The following CRTC3 variants were observed in gnomAD, a reference collection of about 807,000 sequenced individuals.
CRTC3 encodes the protein CREB-regulated transcription coactivator 3.
CRTC3 carries 26 observed loss-of-function variants against 74.5 expected under a neutral mutation model. The observed-to-expected ratio is 0.35, with a 90% CI of 0.26 to 0.48. The LOEUF is 0.48. CRTC3 is among the 20% of genes least tolerant of loss of function. The probability of loss-of-function intolerance (pLI) is 0.99; values close to 1 mark genes in which losing one functional copy is unlikely to be tolerated. For missense variants in CRTC3, 760 were observed against 787.3 expected, an observed-to-expected ratio of 0.97 and a Z score of 0.41; for synonymous variants, 377 against 325.8, an observed-to-expected ratio of 1.16 and a Z score of -1.69.
At chr15:90,589,166 C>T (rs1006706668) in intron 2 of CRTC3, among the ~76,000 whole-genome samples, 4 of 150,474 alleles carry the variant, frequency 2.7e-5, no homozygotes, top group Admixed American at 2.0e-4. Context: ...AAGCGATTCT[C>T]CTGCCTCAGC....
intron 1 of CRTC3, among the ~76,000 whole-genome samples, chr15:90,539,135 TCTC>T (rs1463796973): frequency 6.6e-6 from 1 of 152,204 alleles, no homozygotes; most frequent in African/African-American, 2.4e-5. Flanking sequence ...AACCCTTTCT[TCTC>T]TATATGAATT....
At chr15:90,589,314 C>G (rs1596105313) in intron 2 of CRTC3, among the ~76,000 whole-genome samples, 1 of 151,296 alleles carries the variant, frequency 6.6e-6, no homozygotes, top group South Asian at 2.1e-4. Flanking sequence ...GTAGGCCTCC[C>G]AAAGTGCTGG....
At chr15:90,585,921 T>G (rs1053215920) in intron 2 of CRTC3, among the ~76,000 whole-genome samples, 3 of 152,198 alleles carry the variant, frequency 2.0e-5, no homozygotes, top group Admixed American at 6.5e-5. Context: ...TTTAGGGGCT[T>G]TCTTTGCTTT....
intron 9 of CRTC3, among the ~76,000 whole-genome samples, chr15:90,621,886 T>C (rs1281264473): frequency 6.6e-6 from 1 of 152,180 alleles, no homozygotes; most frequent in Non-Finnish European, 1.5e-5. Flanking sequence ...GGTTAAACAA[T>C]GAACAAAACA....
chr15:90,568,445 G>T (rs1234204022), intron 2 of CRTC3, among the ~76,000 whole-genome samples: 2 of 152,030 alleles, frequency 1.3e-5, no homozygotes, highest in African/African-American at 4.8e-5. Context: ...CTGCCTCATG[G>T]GTTCAAGCGA....
intron 2 of CRTC3, among the ~76,000 whole-genome samples, chr15:90,576,803 G>A (rs1338035176): frequency 6.6e-6 from 1 of 152,172 alleles, no homozygotes; most frequent in Non-Finnish European, 1.5e-5. Context: ...CAAAGTCTGT[G>A]GTTATCTTGG....
intron 2 of CRTC3, among the ~76,000 whole-genome samples, chr15:90,556,731 T>C (rs961034840): frequency 1.3e-5 from 2 of 152,116 alleles, no homozygotes; most frequent in Non-Finnish European, 2.9e-5. Context: ...TATACAATTA[T>C]GCACAGAAAA....
chr15:90,555,848 C>G (rs1966883961), intron 2 of CRTC3, among the ~76,000 whole-genome samples: 1 of 152,084 alleles, frequency 6.6e-6, no homozygotes, highest in East Asian at 1.9e-4. Context: ...CATTTTTAAA[C>G]CTTTACGTTC....
Position 90,643,626 on chromosome 15 carries a change from A to G in CRTC3, c.*1486A>G, listed in dbSNP as rs764250873. 12 of 231,504 alleles carry G rather than the reference A, an allele frequency of 5.2e-5. No individual in the cohort carries two copies. The highest frequency in any genetic ancestry group is 1.8e-4 in the African/African-American group (8 of 45,168). 14.3% of individuals were successfully genotyped at this position (231,504 alleles called of 1,614,324 possible). ...TTCATGGAAGCATCATTAGTCATCA[A>G]TACCTTCTCATAAAATAGATGGGCC... On this transcript the variant is annotated 3_prime_UTR_variant, in exon 15 of 15. Coordinates refer to ENST00000268184, the MANE Select transcript of CRTC3 (RefSeq NM_022769.5).
chr15:90,593,718 C>G lies in CRTC3; in HGVS notation c.314C>G (p.Pro105Arg), dbSNP rs201420109. 61 of 1,610,678 alleles carry G rather than the reference C, an allele frequency of 3.8e-5. No homozygotes were observed. Among genetic ancestry groups the G allele is most frequent in the Non-Finnish European group, 5.0e-5 (59 of 1,177,318 alleles). The change falls in exon 3 of 15, where the codon CCC becomes CGC. Residue 105 changes from proline (P) to arginine (R), a missense_variant. Transcript: ENST00000268184. ...AGGCCATCCAGGAACCGCTTCCACC[C>G]CCTCCACCGAAGGTCTGGGGACAAG... ...VERPSRNRFH[P>R]LHRRSGDKPG...
At chr15:90,552,170 G>A (rs1439441809) in intron 2 of CRTC3, among the ~76,000 whole-genome samples, 5 of 152,278 alleles carry the variant, frequency 3.3e-5, no homozygotes, top group Admixed American at 6.5e-5. Flanking sequence ...ACATAGAAAC[G>A]AAGAAATTGG....
chr15:90,556,959 T>G (rs898626756), intron 2 of CRTC3, among the ~76,000 whole-genome samples: 12 of 1,882 alleles, frequency 6.4e-3, no homozygotes, highest in Non-Finnish European at 0.014. Flanking sequence ...ACCACATGGC[T>G]ATATATATAT....
intron 2 of CRTC3, among the ~76,000 whole-genome samples, chr15:90,549,361 A>C (rs866632799): frequency 6.6e-6 from 1 of 152,294 alleles, no homozygotes; most frequent in Non-Finnish European, 1.5e-5. Flanking sequence ...AATTCTCAGT[A>C]AATTAAAAAA....
At chr15:90,627,723 G>A (rs1386839009) in intron 10 of CRTC3, among the ~76,000 whole-genome samples, 4 of 150,450 alleles carry the variant, frequency 2.7e-5, no homozygotes, top group Admixed American at 2.6e-4. Context: ...CTAGGTTCAC[G>A]CCATTCTCCT....
intron 6 of CRTC3, among the ~76,000 whole-genome samples, chr15:90,613,276 T>C (rs1272821775): frequency 6.6e-6 from 1 of 151,986 alleles, no homozygotes; most frequent in Non-Finnish European, 1.5e-5. Flanking sequence ...CCCAAGAATC[T>C]GCATTTTAGC....
intron 8 of CRTC3, 39 bp downstream of exon 8, chr15:90,618,007 A>C: frequency 7.4e-7 from 1 of 1,342,502 alleles, no homozygotes; most frequent in East Asian, 2.3e-5. Flanking sequence ...TTGTCACTGA[A>C]TGTTTGTACT....
chr15:90,621,189 C>G (rs1489710673), intron 9 of CRTC3, among the ~76,000 whole-genome samples: 2 of 152,066 alleles, frequency 1.3e-5, no homozygotes, highest in African/African-American at 4.8e-5. Flanking sequence ...CAAAAACAAA[C>G]ATTTTCCTCA....
chr15:90,638,508 G>C lies in CRTC3; in HGVS notation c.1329G>C (p.Ser443=). 1 of 1,613,854 alleles carries C rather than the reference G, an allele frequency of 6.2e-7. No individual in the cohort carries two copies. Among genetic ancestry groups the C allele is most frequent in the Non-Finnish European group, 8.5e-7 (1 of 1,179,982 alleles). The part of the protein sequence containing the change: ...FLPTEAQAQV[S]PPPPYPAPQE... ...CCACAGAAGCTCAAGCCCAGGTGTC[G>C]CCGCCACCCCCTTACCCTGCACCCC... Residue 443 remains serine, a synonymous_variant, in exon 12 of 15, where the codon TCG becomes TCC. Transcript: ENST00000268184.
At chr15:90,533,399 C>CG (rs1366333991) in intron 1 of CRTC3, among the ~76,000 whole-genome samples, 1 of 132,584 alleles carries the variant, frequency 7.5e-6, no homozygotes, top group Admixed American at 8.5e-5. Context: ...CCAGCCTGGG[C>CG]GACAGAGCGA....
Sources: allele counts gnomAD v4.1 joint callset (sites outside exome capture counted in the v4.1 genomes callset), GRCh38; gene constraint gnomAD v4.1.1; transcripts MANE v1.5; gene names NCBI Gene and HGNC (gene_info 2026-07-23, HGNC 2026-07-21).